PSAP: variants seen among roughly 807,000 people sequenced by gnomAD.
PSAP encodes prosaposin, also known as precursor of saposins.
Under a neutral mutation model 66.0 loss-of-function variants are expected in PSAP, and 25 were observed. That is an observed-to-expected ratio of 0.38 (90% confidence interval 0.28 to 0.53). The LOEUF (loss-of-function observed/expected upper bound fraction) is 0.53. PSAP is among the 20% of genes least tolerant of loss of function. The pLI, the probability that PSAP is intolerant of heterozygous loss-of-function variation, is 0.83. For missense variants in PSAP, 649 were observed against 668.8 expected, an observed-to-expected ratio of 0.97 and a Z score of 0.33; for synonymous variants, 273 against 258.9, an observed-to-expected ratio of 1.05 and a Z score of -0.52.
Position 71,820,335 on chromosome 10 carries a change from T to C in PSAP, c.910A>G (p.Lys304Glu), listed in dbSNP as rs1437450280. 6.2e-7 allele frequency: 1 copy of C among 1,613,090 alleles called. No homozygotes were observed. The highest frequency in any genetic ancestry group is 1.3e-5 in the African/African-American group (1 of 74,886). Residue 304 changes from lysine (K) to glutamate (E), a missense_variant and splice_region_variant, in exon 9 of 14, where the codon AAG becomes GAG. Coordinates refer to ENST00000394936, the MANE Select transcript of PSAP (RefSeq NM_002778.4). ...TCAGACTTTGCTGGGACCTCGTGCT[T>C]CTGTGGAAAGAGTAGAAGGAGAGTA... ...PALELVEPIK[K>E]HEVPAKSDVY... is the part of the protein sequence containing the mutation.
At chr10:71,849,259 A>G (rs768866312) in intron 1 of PSAP, among the ~76,000 whole-genome samples, 9 of 152,256 alleles carry the variant, frequency 5.9e-5, no homozygotes, top group Non-Finnish European at 1.3e-4. Context: ...GTGTACAAGT[A>G]AAACAAATTT....
At chr10:71,846,690 C>A (rs1212835933) in intron 1 of PSAP, among the ~76,000 whole-genome samples, 1 of 135,990 alleles carries the variant, frequency 7.4e-6, no homozygotes, top group Non-Finnish European at 1.5e-5. Flanking sequence ...TGAGATGGTG[C>A]CACTGCACTC....
intron 1 of PSAP, among the ~76,000 whole-genome samples, chr10:71,839,089 G>C (rs1204521598): frequency 6.6e-6 from 1 of 152,194 alleles, no homozygotes; most frequent in Non-Finnish European, 1.5e-5. Context: ...CTCTGAGGCA[G>C]TATGCTGAAC....
intron 9 of PSAP, 146 bp from the exon 10 acceptor site, chr10:71,820,046 C>G (rs915262275): frequency 3.3e-6 from 3 of 921,654 alleles, no homozygotes; most frequent in Non-Finnish European, 5.2e-6. Context: ...CAAAGCAGGG[C>G]AATGGTGTCC....
chr10:71,833,785 CATT>C (rs1437365434), intron 2 of PSAP, among the ~76,000 whole-genome samples: 1 of 152,182 alleles, frequency 6.6e-6, no homozygotes, highest in Admixed American at 6.5e-5. Flanking sequence ...CTACATTTAG[CATT>C]ATTTAGATGA....
chr10:71,818,402 A>G (rs10762482), intron 13 of PSAP, among the ~76,000 whole-genome samples: 1 of 152,116 alleles, frequency 6.6e-6, no homozygotes, highest in Non-Finnish European at 1.5e-5. Context: ...AAATAAATAA[A>G]TAAAATCCAC....
At chr10:71,817,738 G>A (rs149528548) in intron 13 of PSAP, among the ~76,000 whole-genome samples, 88 of 145,626 alleles carry the variant, frequency 6.0e-4, no homozygotes, top group Non-Finnish European at 1.1e-3. Flanking sequence ...CACGCAGGCA[G>A]GGCTCAGGAC....
Position 71,820,331 on chromosome 10 carries a change from T to C in PSAP, c.914A>G (p.His305Arg), listed in dbSNP as rs113554687. Residue 305 changes from histidine (H) to arginine (R), a missense_variant, in exon 9 of 14, where the codon CAC becomes CGC. Coordinates refer to ENST00000394936, the MANE Select transcript of PSAP (RefSeq NM_002778.4). ...ALELVEPIKK[H>R]EVPAKSDVYC... Reference sequence around the variant, plus strand: ...AACATCAGACTTTGCTGGGACCTCGTGCTTCTGTGGAAAGAGTAGAAGGAG... The same window carrying C: ...AACATCAGACTTTGCTGGGACCTCGCGCTTCTGTGGAAAGAGTAGAAGGAG... 2 of 1,613,670 alleles carry C rather than the reference T, an allele frequency of 1.2e-6. No homozygotes were observed. Among genetic ancestry groups the C allele is most frequent in the African/African-American group, 2.7e-5 (2 of 74,918 alleles).
rs780691822 is a variant in PSAP at position 71,819,116 on chromosome 10, A to G, written c.1351-5T>C. 1.2e-6 allele frequency: 2 copies of G among 1,613,404 alleles called. No individual in the cohort carries two copies. Among genetic ancestry groups the G allele is most frequent in the South Asian group, 2.2e-5 (2 of 91,028 alleles). On this transcript the variant is annotated splice_polypyrimidine_tract_variant and splice_region_variant and intron_variant, in intron 11 of 13. Coordinates refer to ENST00000394936, the MANE Select transcript of PSAP (RefSeq NM_002778.4). Reference sequence around the variant, plus strand: ...CTCTGCCACAAACTGATCACACTATAAAGGAAAGTGGGGACACAGGTCCAG... The same window carrying G: ...CTCTGCCACAAACTGATCACACTATGAAGGAAAGTGGGGACACAGGTCCAG...
chr10:71,830,358 C>T (rs1227787795), intron 4 of PSAP, among the ~76,000 whole-genome samples: 2 of 152,250 alleles, frequency 1.3e-5, no homozygotes, highest in African/African-American at 4.8e-5. Context: ...CCACTGTCCA[C>T]ATCACATCTC....
chr10:71,840,338 G>A (rs1339799225), intron 1 of PSAP, among the ~76,000 whole-genome samples: 1 of 152,200 alleles, frequency 6.6e-6, no homozygotes, highest in Non-Finnish European at 1.5e-5. Context: ...AACCCCTGGA[G>A]GAGCGGCTTC....
At chr10:71,833,458 C>CA (rs1201236101) in intron 2 of PSAP, among the ~76,000 whole-genome samples, 4 of 151,314 alleles carry the variant, frequency 2.6e-5, no homozygotes, top group African/African-American at 7.3e-5. Flanking sequence ...ACCCTGCCTC[C>CA]AAAAAAAAGG....
intron 1 of PSAP, among the ~76,000 whole-genome samples, chr10:71,848,583 A>G (rs1842866725): frequency 1.3e-5 from 2 of 152,190 alleles, no homozygotes; most frequent in South Asian, 4.1e-4. Flanking sequence ...ACTCAAAAGC[A>G]AGTGTCTCTA....
In PSAP at chr10:71,819,799, C is replaced by T; in HGVS notation, c.1107G>A (p.Leu369=). Residue 369 remains leucine, a synonymous_variant, in exon 10 of 14, where the codon CTG becomes CTA. Transcript: ENST00000394936. ...EVVDTYGSSI[L]SILLEEVSPE... is the part of the protein sequence containing the mutation. Reference sequence around the variant, plus strand: ...GGCTGACCTCCTCCAGCAGGATGGACAGGATGGAGCTGCCGTACGTGTCCA... The same window carrying T: ...GGCTGACCTCCTCCAGCAGGATGGATAGGATGGAGCTGCCGTACGTGTCCA... 1.2e-6 allele frequency: 2 copies of T among 1,613,942 alleles called. No homozygotes were observed. Among genetic ancestry groups the T allele is most frequent in the Non-Finnish European group, 1.7e-6 (2 of 1,179,980 alleles).
chr10:71,849,592 G>C (rs1304123397), intron 1 of PSAP, among the ~76,000 whole-genome samples: 6 of 150,866 alleles, frequency 4.0e-5, no homozygotes, highest in Non-Finnish European at 8.9e-5. Context: ...CAACAACAGC[G>C]AAACTCCGTC....
At chr10:71,823,202 A>G (rs1210877380) in intron 7 of PSAP, among the ~76,000 whole-genome samples, 1 of 152,164 alleles carries the variant, frequency 6.6e-6, no homozygotes, top group Non-Finnish European at 1.5e-5. Flanking sequence ...CAACGCTCAG[A>G]GGTGGCAGTG....
chr10:71,826,488 G>T (rs756897234), intron 6 of PSAP, among the ~76,000 whole-genome samples: 1 of 152,182 alleles, frequency 6.6e-6, no homozygotes, highest in African/African-American at 2.4e-5. Flanking sequence ...TGTTTAAATG[G>T]TGTTATGCAA....
At chr10:71,827,936 C>A (rs767105920) in intron 6 of PSAP, 78 bp downstream of exon 6, 170 of 1,580,480 alleles carry the variant, frequency 1.1e-4, no homozygotes, top group Non-Finnish European at 1.4e-4. Flanking sequence ...AGGATGTTGT[C>A]TGAACGCCCT....
intron 1 of PSAP, among the ~76,000 whole-genome samples, chr10:71,848,166 A>T (rs1458697076): frequency 6.6e-6 from 1 of 152,168 alleles, no homozygotes; most frequent in Non-Finnish European, 1.5e-5. Flanking sequence ...AAAGGTTAAC[A>T]ATGTTTCCTT....
Sources: gnomAD v4.1 joint callset for allele counts (sites outside exome capture counted in the v4.1 genomes callset) on GRCh38, gnomAD v4.1.1 for gene constraint, MANE v1.5 for transcripts, NCBI Gene and HGNC (gene_info 2026-07-23, HGNC 2026-07-21) for gene names.